Variants in SCUBE3 observed in about 807,000 individuals in gnomAD.
SCUBE3 encodes the protein signal peptide, CUB domain and EGF like domain containing 3.
SCUBE3 carries 33 observed loss-of-function variants against 116.8 expected under a neutral mutation model. The ratio of observed to expected loss-of-function variants is 0.28; its 90% CI spans 0.21 to 0.38. The LOEUF is 0.38. SCUBE3 is among the 10% of genes least tolerant of loss of function. The pLI, the probability that SCUBE3 is intolerant of heterozygous loss-of-function variation, is 1.00. For missense variants in SCUBE3, 1,007 were observed against 1,324.8 expected (o/e 0.76, Z 3.72); for synonymous variants, 418 against 496.9 (o/e 0.84, Z 2.11).
chr6:35,228,835 T>C lies in SCUBE3; in HGVS notation c.334+96T>C. On this transcript the variant is annotated intron_variant, in intron 3 of 21. Transcript: ENST00000274938. The surrounding 1 kb of genome is among the most constrained non-coding windows in gnomAD (Gnocchi z 4.9). The stretch of plus-strand genomic sequence containing the variant: ...TTCCCAGGGAAGGAGGAGAGAGTGA[T>C]CAAGAAGAGCTACATTCACAAGAGA... The C allele has an allele frequency of 7.7e-7, 1 of 1,291,826 alleles. No homozygotes were observed. Among genetic ancestry groups the C allele is most frequent in the Non-Finnish European group, 1.1e-6 (1 of 897,108 alleles). 80.0% of individuals were successfully genotyped at this position (1,291,826 alleles called of 1,614,324 possible).
rs539855494 is a variant in SCUBE3 at position 35,243,074 on chromosome 6, T to A, written c.1747T>A (p.Ser583Thr). The A allele has an allele frequency of 1.2e-6, 2 of 1,614,088 alleles. No homozygotes were observed. Among genetic ancestry groups the A allele is most frequent in the South Asian group, 2.2e-5 (2 of 91,082 alleles). ...GCGAATGGAACGGCGGCTGAAAGGATCCCTGAAGATGCTCAGAAAGTCCAT... is the reference window on the plus strand; with the variant it reads ...GCGAATGGAACGGCGGCTGAAAGGAACCCTGAAGATGCTCAGAAAGTCCAT... ...RQRMERRLKGSLKMLRKSINQ... is the reference protein window; with the variant it reads ...RQRMERRLKGTLKMLRKSINQ... The change falls in exon 15 of 22, where the codon TCC (serine) becomes ACC (threonine). Residue 583 changes from serine (S) to threonine (T), a missense_variant. By Grantham distance (58) the Ser-to-Thr change is moderately conservative (BLOSUM62 1). Coordinates refer to ENST00000274938, the MANE Select transcript of SCUBE3 (RefSeq NM_152753.4). The surrounding 1 kb of genome is among the most constrained non-coding windows in gnomAD (Gnocchi z 6.6).
rs772241282 is a variant in SCUBE3 at position 35,245,934 on chromosome 6, G to T, written c.2600-10G>T. 5.6e-6 allele frequency: 9 copies of T among 1,613,572 alleles called. No homozygotes were observed. The highest frequency in any genetic ancestry group is 7.6e-6 in the Non-Finnish European group (9 of 1,179,682). Reference sequence around the variant, plus strand: ...CTGCTGCTCTACTGACCTGCTGCTTGCCTTCCCAGCATCCCCATCCTCCAT... The same window carrying T: ...CTGCTGCTCTACTGACCTGCTGCTTTCCTTCCCAGCATCCCCATCCTCCAT... On this transcript the variant is annotated splice_polypyrimidine_tract_variant and intron_variant, in intron 19 of 21. Coordinates refer to ENST00000274938, the MANE Select transcript of SCUBE3 (RefSeq NM_152753.4). The surrounding 1 kb of genome is among the most constrained non-coding windows in gnomAD (Gnocchi z 4.2).
chr6:35,246,723 C>T (rs1215164161), intron 21 of SCUBE3, among the ~76,000 whole-genome samples: 1 of 152,246 alleles, frequency 6.6e-6, no homozygotes, highest in Non-Finnish European at 1.5e-5. Flanking sequence ...CGCCTGTCAT[C>T]CCAGCACTTT....
At chr6:35,237,818 C>T in intron 6 of SCUBE3, 84 bp from the exon 7 acceptor site, 1 of 784,350 alleles carries the variant, frequency 1.3e-6, no homozygotes, top group South Asian at 1.7e-5. Context: ...TCCCTCGGGC[C>T]TCTGTGGTCT....
rs1031858958 is a variant in SCUBE3, at chr6:35,243,537, G to C, written c.1910-57G>C. ...GCGGGGAGTGGGAAGGGGAGTCCCAGGCCTGGGTGGTGGGAAATGCGGGGG... is the reference window on the plus strand; with the variant it reads ...GCGGGGAGTGGGAAGGGGAGTCCCACGCCTGGGTGGTGGGAAATGCGGGGG... On this transcript the variant is annotated intron_variant, in intron 15 of 21. Transcript: ENST00000274938. This position sits in a 1 kb window ranked among gnomAD's most constrained non-coding sequence, Gnocchi z 6.6. 3.4e-6 allele frequency: 5 copies of C among 1,477,480 alleles called. No individual in the cohort carries two copies. The Admixed American group carries it at 1.0e-4, about 30-fold the overall frequency. The allele number at this position is 1,477,480 out of a possible 1,614,324, so 91.5% of individuals were successfully genotyped here. A position where few individuals can be genotyped will look rare whatever the true frequency, so the allele number is the denominator to read the frequency against.
At chr6:35,242,358 C>A in intron 13 of SCUBE3, 38 bp downstream of exon 13, 2 of 1,372,270 alleles carry the variant, frequency 1.5e-6, no homozygotes, top group Non-Finnish European at 2.1e-6. Flanking sequence ...GGCTGTCTGG[C>A]CACTAAATCC....
In SCUBE3 at chr6:35,244,603, C is replaced by G. The variant is rs762340383; in HGVS notation, c.2240-47C>G. On this transcript the variant is annotated intron_variant, in intron 17 of 21. Coordinates refer to ENST00000274938, the MANE Select transcript of SCUBE3 (RefSeq NM_152753.4). The surrounding 1 kb of genome is among the most constrained non-coding windows in gnomAD (Gnocchi z 4.3). ...CCTGTCCATCCCATGCCCCGTAACT[C>G]CCACCTGCCTACCATCTTGATTCCT... 5 of 1,552,378 alleles carry G rather than the reference C, an allele frequency of 3.2e-6. No homozygotes were observed. In the African/African-American group the frequency reaches 6.8e-5, roughly 21 times the overall value.
chr6:35,241,666 G>C lies in SCUBE3; in HGVS notation c.1312+7G>C. ...AGGGCCCGATTTTTGCCAGGTACAT[G>C]GGAGGAGGGTGCTGGAGAGCTTTGG... On this transcript the variant is annotated splice_region_variant and intron_variant, in intron 11 of 21. Coordinates refer to ENST00000274938, the MANE Select transcript of SCUBE3 (RefSeq NM_152753.4). This position sits in a 1 kb window ranked among gnomAD's most constrained non-coding sequence, Gnocchi z 4.1. The C allele has an allele frequency of 5.0e-6, 8 of 1,592,386 alleles. No homozygotes were observed. The highest frequency in any genetic ancestry group is 6.9e-6 in the Non-Finnish European group (8 of 1,159,998).
chr6:35,242,096 TC>T, intron 12 of SCUBE3, 107 bp from the exon 13 acceptor site: 1 of 901,134 alleles, frequency 1.1e-6, no homozygotes, highest in Non-Finnish European at 1.8e-6. Context: ...ATAATCTCAC[TC>T]CCCCAGCCAA....
rs528616225 is a variant in SCUBE3, at chr6:35,241,181, T to C, written c.1110T>C (p.Phe370=). The C allele has an allele frequency of 2.6e-5, 41 of 1,605,134 alleles. No homozygotes were observed. The highest frequency in any genetic ancestry group is 3.3e-4 in the Middle Eastern group (2 of 6,042). Residue 370 remains phenylalanine (F), a synonymous_variant, in exon 10 of 22, where the codon TTT becomes TTC. Coordinates refer to ENST00000274938, the MANE Select transcript of SCUBE3 (RefSeq NM_152753.4). The surrounding 1 kb of genome is among the most constrained non-coding windows in gnomAD (Gnocchi z 4.1). The part of the protein sequence containing the change: ...ECSINRGGCR[F]GCINTPGSYQ... ...GCATCAACCGGGGAGGTTGCCGCTT[T>C]GGCTGCATCAACACTCCTGGCAGCT...
At position 35,242,276 on chromosome 6, in the gene SCUBE3, G is replaced by C; in HGVS notation, c.1490G>C (p.Arg497Pro). The change falls in exon 13 of 22, where the codon CGA becomes CCA. Residue 497 changes from arginine to proline, a missense_variant. Transcript: ENST00000274938. Reference protein sequence around the residue: ...IKDAKCRLHLRNKGKTEEAGR... With the variant: ...IKDAKCRLHLPNKGKTEEAGR... ...GATGCCAAATGCCGTTTGCACCTGC[G>C]AAACAAAGGCAAAACAGAGGAGGCT... is the stretch of plus-strand genomic sequence containing the variant. 1 of 1,613,966 alleles carries C rather than the reference G, an allele frequency of 6.2e-7. No individual in the cohort carries two copies. Among genetic ancestry groups the C allele is most frequent in the African/African-American group, 1.3e-5 (1 of 75,022 alleles).
At chr6:35,230,524 G>C (rs1416764182) in intron 3 of SCUBE3, among the ~76,000 whole-genome samples, 1 of 152,176 alleles carries the variant, frequency 6.6e-6, no homozygotes, top group African/African-American at 2.4e-5. Flanking sequence ...AGCTTGGCTA[G>C]AGTAGCAAAG....
In SCUBE3 at chr6:35,214,318, CCCCCT is replaced by C. The variant is rs547781800; in HGVS notation, c.-91_-87del. 1 of 638,786 alleles carries C rather than the reference CCCCCT, an allele frequency of 1.6e-6. No individual in the cohort carries two copies. The highest frequency in any genetic ancestry group is 2.2e-6 in the Non-Finnish European group (1 of 444,576). 39.6% of individuals were successfully genotyped at this position (638,786 alleles called of 1,614,324 possible). On this transcript the variant is annotated 5_prime_UTR_variant, in exon 1 of 22. Coordinates refer to ENST00000274938, the MANE Select transcript of SCUBE3 (RefSeq NM_152753.4). The surrounding 1 kb of genome is among the most constrained non-coding windows in gnomAD (Gnocchi z 6.3). ...CCCCCGGCCTGGCCCCGGCGGGGCG[CCCCCT>C]CCCCTCCCCCTCCTGCGAGCTGGGA...
intron 6 of SCUBE3, among the ~76,000 whole-genome samples, chr6:35,234,798 C>A (rs1783691830): frequency 6.6e-6 from 1 of 152,192 alleles, no homozygotes; most frequent in Non-Finnish European, 1.5e-5. Context: ...GACATGGTTG[C>A]TTCTGAAAAC....
In SCUBE3 at chr6:35,242,654, T is replaced by C. The variant is rs1784124916; in HGVS notation, c.1567T>C (p.Phe523Leu). The change falls in exon 14 of 22, where the codon TTC (phenylalanine) becomes CTC (leucine). Residue 523 changes from phenylalanine (F) to leucine (L), a missense_variant. By Grantham distance (22) the Phe-to-Leu change is conservative (BLOSUM62 0). This residue lies in a region of SCUBE3 where 544 missense variants were observed against 638.9 expected (regional missense o/e 0.85). Coordinates refer to ENST00000274938, the MANE Select transcript of SCUBE3 (RefSeq NM_152753.4). ...GAPCSECQVT[F>L]IHLKCDSSRK... ...CCCCTGCTCTGAATGCCAGGTCACC[T>C]TCATCCACCTTAAGTGTGACTCCTC... 1 of 1,613,338 alleles carries C rather than the reference T, an allele frequency of 6.2e-7. No homozygotes were observed. The highest frequency in any genetic ancestry group is 1.7e-5 in the Admixed American group (1 of 59,998).
At chr6:35,246,434 A>T (rs967300801) in intron 21 of SCUBE3, 149 bp downstream of exon 21, 2 of 643,716 alleles carry the variant, frequency 3.1e-6, no homozygotes, top group African/African-American at 1.8e-5. Context: ...TTCTTTACAG[A>T]TGGGAAAACT....
At chr6:35,229,314 G>T (rs763850058) in intron 3 of SCUBE3, among the ~76,000 whole-genome samples, 1 of 152,186 alleles carries the variant, frequency 6.6e-6, no homozygotes, top group Non-Finnish European at 1.5e-5. Flanking sequence ...CTACTTGGGA[G>T]CTCTTCCTTG....
chr6:35,226,479 C>CTTTTTTTTTTTTTTTTTTTTTTT (rs1562044702), intron 1 of SCUBE3, among the ~76,000 whole-genome samples: 1 of 52,186 alleles, frequency 1.9e-5, no homozygotes, highest in African/African-American at 5.5e-5. Context: ...TTTTCTATGT[C>CTTTTTTTTTTTTTTTTTTTTTTT]CTTTTTTTTT....
At chr6:35,224,926 T>C (rs1289842974) in intron 1 of SCUBE3, among the ~76,000 whole-genome samples, 1 of 152,176 alleles carries the variant, frequency 6.6e-6, no homozygotes, top group Non-Finnish European at 1.5e-5. Context: ...CTAATAGCAG[T>C]GCTATTTCTG....
Sources: allele counts gnomAD v4.1 joint callset (sites outside exome capture counted in the v4.1 genomes callset), GRCh38; gene constraint gnomAD v4.1.1; regional missense constraint gnomAD v4.1.1; non-coding constraint Gnocchi (gnomAD v3.1); transcripts MANE v1.5; gene names NCBI Gene and HGNC (gene_info 2026-07-23, HGNC 2026-07-21).